The following RBFOX1 variants were observed in gnomAD, a reference collection of about 807,000 sequenced individuals.
RBFOX1 encodes the protein RNA binding protein fox-1 homolog 1.
RBFOX1 carries 8 observed loss-of-function variants against 57.7 expected under a neutral mutation model. The observed-to-expected ratio is 0.14, with a 90% CI of 0.08 to 0.25. The LOEUF (loss-of-function observed/expected upper bound fraction) is 0.25. RBFOX1 is among the 10% of genes least tolerant of loss of function. The pLI is 1.00. For missense variants in RBFOX1, 611 were observed against 548.5 expected (o/e 1.11, Z -1.14); for synonymous variants, 326 against 222.4 (o/e 1.47, Z -4.15).
chr16:6,379,044 G>T (rs2152911660), intron 2 of RBFOX1, among the ~76,000 whole-genome samples: 1 of 152,294 alleles, frequency 6.6e-6, no homozygotes, highest in East Asian at 1.9e-4. Context: ...TGTTGGGATT[G>T]TGTGTTAGGA....
chr16:6,183,486 TTAAATAAA>T (rs71142688), intron 1 of RBFOX1, among the ~76,000 whole-genome samples: 2,230 of 140,874 alleles, frequency 0.016, 42 homozygotes, highest in African/African-American at 0.049. Flanking sequence ...TCTAAAAAAA[TTAAATAAA>T]TAAATAAATA....
intron 4 of RBFOX1, among the ~76,000 whole-genome samples, chr16:5,912,801 T>G (rs1474476187): frequency 6.6e-6 from 1 of 152,076 alleles, no homozygotes; most frequent in African/African-American, 2.4e-5. Flanking sequence ...GACAGGAGAT[T>G]AGGAGAGCTG....
At chr16:5,677,393 G>T (rs989758702) in intron 3 of RBFOX1, among the ~76,000 whole-genome samples, 1 of 152,166 alleles carries the variant, frequency 6.6e-6, no homozygotes, top group Non-Finnish European at 1.5e-5. Context: ...AGAATTCTTA[G>T]GGGAAAATGA....
intron 1 of RBFOX1, among the ~76,000 whole-genome samples, chr16:6,193,417 TATATATATAA>T (rs2097159616): frequency 8.1e-6 from 1 of 122,710 alleles, no homozygotes; most frequent in African/African-American, 3.0e-5. Context: ...TATATATATA[TATATATATAA>T]AATTCAGTGA....
chr16:6,304,832 C>T (rs972149442), intron 1 of RBFOX1, among the ~76,000 whole-genome samples: 1 of 133,546 alleles, frequency 7.5e-6, no homozygotes, highest in African/African-American at 3.0e-5. Flanking sequence ...CACATCATGC[C>T]ACTGACTATA....
chr16:6,495,170 G>A lies in RBFOX1; in HGVS notation c.-63-159433G>A, dbSNP rs560748103. On this transcript the variant is annotated intron_variant, in intron 2 of 15. Coordinates refer to ENST00000550418, the MANE Select transcript of RBFOX1 (RefSeq NM_018723.4). ...CTTTCACTCTTTCACCCATGCGGGA[G>A]TGAAGTGGTGGAATCTCGGCTCATT... Among the ~76,000 whole-genome samples the A allele has an allele frequency of 1.8e-3, 275 of 152,292 alleles. 1 individual carries two copies. Among genetic ancestry groups the A allele is most frequent in the Middle Eastern group, 3.4e-3 (1 of 294 alleles).
rs1208404936 is a variant in RBFOX1 at position 7,653,907 on chromosome 16, A to G, written c.850A>G (p.Arg284Gly). Residue 284 changes from arginine (R) to glycine (G), a missense_variant, in exon 12 of 16, where the codon AGG becomes GGG. Arg to Gly is a moderately radical substitution (Grantham distance 125, BLOSUM62 -2). Transcript: ENST00000550418. ...GRGRTVYNTFRAAAPPPPIPA... is the reference protein window; with the variant it reads ...GRGRTVYNTFGAAAPPPPIPA... ...CGGTCGCACCGTGTACAACACCTTC[A>G]GGGCCGCGGCGCCCCCGCCCCCGAT... The G allele has an allele frequency of 1.3e-6, 2 of 1,581,588 alleles. No homozygotes were observed. The highest frequency in any genetic ancestry group is 1.7e-6 in the Non-Finnish European group (2 of 1,169,724).
chr16:5,888,039 ACAGC>A (rs2057943543), intron 4 of RBFOX1, among the ~76,000 whole-genome samples: 2 of 152,186 alleles, frequency 1.3e-5, no homozygotes, highest in South Asian at 4.1e-4. Flanking sequence ...TTCCTGCAAG[ACAGC>A]CTTCCTGCAA....
intron 1 of RBFOX1, among the ~76,000 whole-genome samples, chr16:6,134,765 C>T (rs543935691): frequency 4.6e-4 from 69 of 151,640 alleles, no homozygotes; most frequent in African/African-American, 1.5e-3. Context: ...GCAATCTCCG[C>T]CTCCCGGGTT....
chr16:7,209,287 A>G (rs2090636419), intron 4 of RBFOX1, among the ~76,000 whole-genome samples: 3 of 152,242 alleles, frequency 2.0e-5, no homozygotes, highest in South Asian at 2.1e-4. Context: ...GTGAGCTGAT[A>G]TCGTGCCATT....
chr16:7,029,656 T>C (rs573738640), intron 3 of RBFOX1, among the ~76,000 whole-genome samples: 4 of 152,186 alleles, frequency 2.6e-5, no homozygotes, highest in African/African-American at 9.6e-5. Context: ...AATGCGGAAA[T>C]AGGATATTCT....
At chr16:7,567,820 C>G (rs1156235121) in intron 5 of RBFOX1, among the ~76,000 whole-genome samples, 1 of 148,034 alleles carries the variant, frequency 6.8e-6, no homozygotes, top group Non-Finnish European at 1.5e-5. Context: ...CATATATATA[C>G]CTATATATAT....
chr16:6,532,170 A>T (rs1420055), intron 2 of RBFOX1, among the ~76,000 whole-genome samples: 2 of 152,118 alleles, frequency 1.3e-5, no homozygotes, highest in African/African-American at 2.4e-5. Flanking sequence ...TAAGATGTCA[A>T]AGAAAGTTCC....
chr16:7,644,603 C>T (rs961142149), intron 11 of RBFOX1, among the ~76,000 whole-genome samples: 7 of 152,128 alleles, frequency 4.6e-5, no homozygotes, highest in African/African-American at 1.7e-4. Flanking sequence ...TATGGCATTC[C>T]GAGTTCATCA....
rs532182933 is a variant in RBFOX1, at chr16:5,905,764, A to G, written c.351+38429A>G. Among the ~76,000 whole-genome samples, 5 of 152,332 alleles carry G rather than the reference A, an allele frequency of 3.3e-5. No homozygotes were observed. The East Asian group carries it at 9.7e-4, about 29-fold the overall frequency. ...AGGACTCAGAAGTACCCAACCCTTC[A>G]GATTTCTTGATCTCAGGCTTCCATC... On this transcript the variant is annotated intron_variant, in intron 4 of 19. Transcript: ENST00000641259.
intron 3 of RBFOX1, among the ~76,000 whole-genome samples, chr16:6,682,532 T>C (rs774568922): frequency 8.5e-5 from 13 of 152,208 alleles, no homozygotes; most frequent in Non-Finnish European, 1.6e-4. Context: ...CTTGGCATTA[T>C]TGGCAAACTG....
intron 13 of RBFOX1, among the ~76,000 whole-genome samples, chr16:7,674,103 T>G (rs907646161): frequency 1.3e-5 from 2 of 152,238 alleles, no homozygotes; most frequent in Non-Finnish European, 2.9e-5. Flanking sequence ...TTACAGTGTA[T>G]GTACACATAC....
chr16:6,212,081 C>T (rs2097302205), intron 1 of RBFOX1, among the ~76,000 whole-genome samples: 1 of 152,024 alleles, frequency 6.6e-6, no homozygotes, highest in Admixed American at 6.6e-5. Flanking sequence ...TAGTCTTGAA[C>T]TCTTGGCCTC....
intron 3 of RBFOX1, among the ~76,000 whole-genome samples, chr16:6,872,886 T>A (rs183927623): frequency 4.2e-4 from 64 of 152,282 alleles, no homozygotes; most frequent in African/African-American, 1.4e-3. Flanking sequence ...CCATAAAAAT[T>A]GTGCTATTAG....
Sources: gnomAD v4.1 joint callset for allele counts (sites outside exome capture counted in the v4.1 genomes callset) on GRCh38, gnomAD v4.1.1 for gene constraint, MANE v1.5 for transcripts, NCBI Gene and HGNC (gene_info 2026-07-23, HGNC 2026-07-21) for gene names.